BCAP31: variants seen among roughly 807,000 people sequenced by gnomAD.
BCAP31 encodes the protein B cell receptor associated protein 31.
For missense variants in BCAP31, 124 were observed against 193.0 expected (o/e 0.64, Z 2.12); for synonymous variants, 75 against 80.9 (o/e 0.93, Z 0.39).
Position 153,703,011 on chromosome X carries a change from C to A in BCAP31, c.525G>T (p.Val175=). 1.7e-6 allele frequency: 2 copies of A among 1,210,372 alleles called. No homozygotes were observed. Among genetic ancestry groups the A allele is most frequent in the Non-Finnish European group, 2.2e-6 (2 of 895,366 alleles). ...GGCTCCTGTTCTCTTCCTCCAACTT[C>A]ACCTCAGCATTCCCGACATCCAACT... ...GGKLDVGNAE[V]KLEEENRSLK... is the part of the protein sequence containing the mutation. Residue 175 remains valine, a synonymous_variant, in exon 6 of 8, where the codon GTG becomes GTT. Transcript: ENST00000345046.
At chrX:153,701,258 G>A (rs1407580383) in intron 7 of BCAP31, among the ~76,000 whole-genome samples, 3 of 112,224 alleles carry the variant, frequency 2.7e-5, no homozygotes, top group Non-Finnish European at 3.8e-5. Context: ...GAACAGCAAG[G>A]CATCCAGTCC....
rs372492612 is a variant in BCAP31 at position 153,707,618 on chromosome X, C to T, written c.342-3524G>A. On this transcript the variant is annotated intron_variant, in intron 4 of 7. Transcript: ENST00000345046. The stretch of plus-strand genomic sequence containing the variant: ...GAGACAGAAGACAGGAGTGGGAAGG[C>T]GCCGTCTCAGACCCGTTCTGATGGG... 9.4e-4 allele frequency among the ~76,000 whole-genome samples: 105 copies of T among 111,922 alleles called. 1 individual carries two copies. The highest frequency in any genetic ancestry group is 3.3e-3 in the African/African-American group (103 of 30,802).
intron 4 of BCAP31, 167 bp downstream of exon 4, chrX:153,715,375 A>G: frequency 1.3e-6 from 1 of 753,738 alleles, no homozygotes; most frequent in Admixed American, 3.2e-5. Context: ...TCTGGAGGTC[A>G]GGAGAAAACT....
chrX:153,719,091 C>T (rs958739370), intron 3 of BCAP31, among the ~76,000 whole-genome samples: 2 of 111,776 alleles, frequency 1.8e-5, no homozygotes, highest in African/African-American at 6.5e-5. Context: ...AGCAGTTCCC[C>T]GATCCCAAAA....
intron 4 of BCAP31, among the ~76,000 whole-genome samples, chrX:153,706,743 G>A (rs782224634): frequency 2.0e-4 from 22 of 112,242 alleles, no homozygotes; most frequent in African/African-American, 5.8e-4. Context: ...TGACCACCTC[G>A]TGTAGCCCCT....
At chrX:153,710,895 C>T (rs2091586995) in intron 4 of BCAP31, among the ~76,000 whole-genome samples, 1 of 111,759 alleles carries the variant, frequency 8.9e-6, no homozygotes, top group Non-Finnish European at 1.9e-5. Flanking sequence ...GATCTTCTAT[C>T]GCTCTGCTGG....
At chrX:153,708,475 C>T (rs1336742035) in intron 4 of BCAP31, among the ~76,000 whole-genome samples, 2 of 112,849 alleles carry the variant, frequency 1.8e-5, no homozygotes, top group South Asian at 7.3e-4. Context: ...ATTCAACCCC[C>T]AGCCCCTGCA....
intron 3 of BCAP31, among the ~76,000 whole-genome samples, chrX:153,718,448 T>A (rs1009505187): frequency 1.1e-4 from 12 of 110,535 alleles, no homozygotes; most frequent in African/African-American, 4.0e-4. Context: ...AGGCGTGGAA[T>A]GCTCCTCCTG....
rs1166143151 is a variant in BCAP31 at position 153,713,336 on chromosome X, C to T, written c.341+2206G>A. ...TTCTGCCAGCACCTTCCCCACACTT[C>T]GGCATCTGGTCGTTAAGAACAGACT... On this transcript the variant is annotated intron_variant, in intron 4 of 7. Coordinates refer to ENST00000345046, the MANE Select transcript of BCAP31 (RefSeq NM_001256447.2). Among the ~76,000 whole-genome samples, 6 of 112,016 alleles carry T rather than the reference C, an allele frequency of 5.4e-5. No individual in the cohort carries two copies. In the East Asian group the frequency reaches 1.4e-3, roughly 26 times the overall value.
chrX:153,715,821 C>G, intron 3 of BCAP31, 132 bp from the exon 4 acceptor site: 1 of 783,310 alleles, frequency 1.3e-6, no homozygotes, highest in Non-Finnish European at 1.9e-6. Flanking sequence ...GTTCTTCCCA[C>G]TTCTATGCAC....
At chrX:153,707,481 A>C (rs2091562765) in intron 4 of BCAP31, among the ~76,000 whole-genome samples, 1 of 111,214 alleles carries the variant, frequency 9.0e-6, no homozygotes, top group Non-Finnish European at 1.9e-5. Flanking sequence ...TTGAGGCTGC[A>C]CGTAAGGCTG....
At chrX:153,707,385 G>T (rs1325325483) in intron 4 of BCAP31, among the ~76,000 whole-genome samples, 1 of 110,555 alleles carries the variant, frequency 9.0e-6, no homozygotes, top group Non-Finnish European at 1.9e-5. Flanking sequence ...AAAAAAAAAG[G>T]GGGGGAGGGC....
chrX:153,709,383 C>T (rs1360508233), intron 4 of BCAP31, among the ~76,000 whole-genome samples: 2 of 112,074 alleles, frequency 1.8e-5, no homozygotes, highest in African/African-American at 6.5e-5. Flanking sequence ...AAACAGGGGC[C>T]TTCCTGCGAC....
At chrX:153,713,622 T>G (rs902293640) in intron 4 of BCAP31, among the ~76,000 whole-genome samples, 35 of 111,792 alleles carry the variant, frequency 3.1e-4, no homozygotes, top group African/African-American at 1.1e-3. Flanking sequence ...CTGCAAATCC[T>G]CAAGCATCGG....
At chrX:153,707,684 G>T (rs1327133190) in intron 4 of BCAP31, among the ~76,000 whole-genome samples, 1 of 112,358 alleles carries the variant, frequency 8.9e-6, no homozygotes, top group Non-Finnish European at 1.9e-5. Context: ...AACATTCACT[G>T]CCGCGACCTG....
chrX:153,724,089 C>G (rs1557051762), intron 1 of BCAP31: 1 of 308,862 alleles, frequency 3.2e-6, no homozygotes, highest in Non-Finnish European at 6.2e-6. Flanking sequence ...GCACACCGTC[C>G]CGGAGGCCCA....
At chrX:153,711,725 G>A (rs1452690612) in intron 4 of BCAP31, among the ~76,000 whole-genome samples, 1 of 110,350 alleles carries the variant, frequency 9.1e-6, no homozygotes, top group Non-Finnish European at 1.9e-5. Context: ...TGGCCAACAG[G>A]GCAAAACCGT....
At chrX:153,723,802 C>A in intron 1 of BCAP31, 1 of 813,179 alleles carries the variant, frequency 1.2e-6, no homozygotes, top group Non-Finnish European at 1.7e-6. Context: ...ACCGTCCCCA[C>A]GGCGCCCGCG....
At position 153,705,735 on chromosome X, in the gene BCAP31, G is replaced by T. The variant is rs1291909704; in HGVS notation, c.342-1641C>A. On this transcript the variant is annotated intron_variant, in intron 4 of 7. Transcript: ENST00000345046. Reference sequence around the variant, plus strand: ...GCAAGGAGCTGCCCAGCCCCAGAGCGGATCCCAGTGATGTAGAAAGAGGAA... The same window carrying T: ...GCAAGGAGCTGCCCAGCCCCAGAGCTGATCCCAGTGATGTAGAAAGAGGAA... 2.7e-5 allele frequency among the ~76,000 whole-genome samples: 3 copies of T among 112,050 alleles called. No homozygotes were observed. The Admixed American group carries it at 2.8e-4, about 11-fold the overall frequency.
Sources: gnomAD v4.1 joint callset for allele counts (sites outside exome capture counted in the v4.1 genomes callset) on GRCh38, gnomAD v4.1.1 for gene constraint, MANE v1.5 for transcripts, NCBI Gene and HGNC (gene_info 2026-07-23, HGNC 2026-07-21) for gene names.